Variants in PICALM observed in about 807,000 individuals in gnomAD.
The protein encoded by PICALM is phosphatidylinositol-binding clathrin assembly protein.
Under a neutral mutation model 80.5 loss-of-function variants are expected in PICALM, and 40 were observed. The ratio of observed to expected loss-of-function variants is 0.50; its 90% CI spans 0.39 to 0.65. The LOEUF is 0.65. Among genes scored for constraint, PICALM ranks in the 30% least tolerant of loss-of-function variants. The pLI is 0.00. For synonymous variants in PICALM, 288 were observed against 260.3 expected (o/e 1.11, Z -1.02); for missense variants, 676 against 778.9 (o/e 0.87, Z 1.57).
At chr11:85,974,936 T>G (rs975813107) in intron 18 of PICALM, 124 bp from the exon 19 acceptor site, 1 of 697,234 alleles carries the variant, frequency 1.4e-6, no homozygotes, top group Non-Finnish European at 2.6e-6. Flanking sequence ...GGTAACTTCC[T>G]CTGAATATAA....
rs2093587559 is a variant in PICALM, at chr11:85,958,533, CTG to C, written c.*511_*512del. ...ATACTTAAGGAATGTCTACTGCAAA[CTG>C]AATATAATTTTTTTTAAAAAAAGAA... On this transcript the variant is annotated 3_prime_UTR_variant, in exon 20 of 20. Transcript: ENST00000393346. 4.8e-6 allele frequency: 1 copy of C among 210,116 alleles called. No homozygotes were observed. Among genetic ancestry groups the C allele is most frequent in the Non-Finnish European group, 9.7e-6 (1 of 103,444 alleles). 13.0% of individuals were successfully genotyped at this position (210,116 alleles called of 1,614,324 possible).
Position 86,066,893 on chromosome 11 carries a change from C to CA in PICALM, c.130+1757dup, listed in dbSNP as rs538932247. Among the ~76,000 whole-genome samples, 33 of 152,214 alleles carry CA rather than the reference C, an allele frequency of 2.2e-4. No homozygotes were observed. The South Asian group carries it at 6.0e-3, about 28-fold the overall frequency. ...ACGTCTACTACACGTATCAGATAATCAAAAAATCACATATGGCTTTACGAT... is the reference window on the plus strand; with the variant it reads ...ACGTCTACTACACGTATCAGATAATCAAAAAAATCACATATGGCTTTACGAT... On this transcript the variant is annotated intron_variant, in intron 1 of 19. Transcript: ENST00000393346.
upstream of PICALM, chr11:86,069,095 T>G (rs568939146): frequency 2.9e-5 from 9 of 307,758 alleles, no homozygotes; most frequent in South Asian, 4.9e-4. Flanking sequence ...GGCGCCAGGC[T>G]CCTCCTCGGA....
upstream of PICALM, chr11:86,069,472 C>T (rs1342825812): frequency 1.3e-5 from 2 of 152,524 alleles, no homozygotes; most frequent in African/African-American, 4.8e-5. Flanking sequence ...AGTGTGTCCT[C>T]GTGTCTGTGG....
intron 13 of PICALM, among the ~76,000 whole-genome samples, chr11:85,989,544 A>T (rs1173767278): frequency 6.6e-6 from 1 of 152,174 alleles, no homozygotes; most frequent in Non-Finnish European, 1.5e-5. Context: ...CATCTTTTTC[A>T]GCAGAATTCA....
intron 1 of PICALM, among the ~76,000 whole-genome samples, chr11:86,043,814 G>C (rs1268807615): frequency 6.6e-6 from 1 of 152,164 alleles, no homozygotes; most frequent in Non-Finnish European, 1.5e-5. Context: ...TAGGAATCCA[G>C]AAGATTTTTC....
chr11:85,980,188 G>T (rs1040716376), intron 17 of PICALM, among the ~76,000 whole-genome samples: 1 of 152,174 alleles, frequency 6.6e-6, no homozygotes, highest in African/African-American at 2.4e-5. Context: ...CTCCAGCTGA[G>T]ATGGAACAAA....
chr11:86,038,765 A>G (rs1349598142), intron 1 of PICALM, among the ~76,000 whole-genome samples: 1 of 150,948 alleles, frequency 6.6e-6, no homozygotes, highest in African/African-American at 2.5e-5. Context: ...CGACAGAGCG[A>G]GACTCCATCT....
intron 6 of PICALM, among the ~76,000 whole-genome samples, chr11:86,011,902 G>C (rs1244067707): frequency 2.0e-5 from 3 of 149,316 alleles, no homozygotes; most frequent in African/African-American, 7.4e-5. Context: ...CCAGGCTGGA[G>C]TACAATGGCA....
chr11:86,039,600 C>T (rs1036129378), intron 1 of PICALM, among the ~76,000 whole-genome samples: 1 of 152,040 alleles, frequency 6.6e-6, no homozygotes, highest in African/African-American at 2.4e-5. Flanking sequence ...AAAGTTCTTC[C>T]TGAAGAAGGT....
At position 86,000,785 on chromosome 11, in the gene PICALM, A is replaced by G. The variant is rs762163734; in HGVS notation, c.1018-6T>C. On this transcript the variant is annotated splice_region_variant and splice_polypyrimidine_tract_variant and intron_variant, in intron 10 of 19. Transcript: ENST00000393346. The stretch of plus-strand genomic sequence containing the variant: ...AGTTCTTTTAGGCGCTGTTCCTGTT[A>G]AGAAAGGGAACTACCATAAGGATTC... 17 of 1,611,774 alleles carry G rather than the reference A, an allele frequency of 1.1e-5. No homozygotes were observed. In the East Asian group the frequency reaches 3.6e-4, roughly 34 times the overall value.
chr11:85,987,762 T>TAC (rs1413298550), intron 13 of PICALM, among the ~76,000 whole-genome samples: 2 of 152,352 alleles, frequency 1.3e-5, no homozygotes, highest in Admixed American at 6.5e-5. Flanking sequence ...CCAGCTACTG[T>TAC]ACCCAGCTCC....
At chr11:85,982,278 G>C (rs2094461353) in intron 14 of PICALM, 1 of 276,704 alleles carries the variant, frequency 3.6e-6, no homozygotes, top group Non-Finnish European at 6.9e-6. Flanking sequence ...TATTATAAAA[G>C]AGAAAAAAAA....
intron 1 of PICALM, among the ~76,000 whole-genome samples, chr11:86,035,130 T>C (rs532221651): frequency 2.5e-3 from 384 of 152,094 alleles, no homozygotes; most frequent in Non-Finnish European, 4.1e-3. Flanking sequence ...AAGTCTTTTT[T>C]TTTTTTTAAC....
chr11:85,971,908 A>C (rs968954335), intron 19 of PICALM, among the ~76,000 whole-genome samples: 5 of 151,934 alleles, frequency 3.3e-5, no homozygotes, highest in African/African-American at 4.8e-5. Context: ...TCAGCCTCCC[A>C]AGTAGCTGGG....
chr11:86,015,860 C>T (rs576011444), intron 4 of PICALM, among the ~76,000 whole-genome samples: 124 of 152,244 alleles, frequency 8.1e-4, no homozygotes, highest in African/African-American at 2.8e-3. Context: ...TTCTACCCTA[C>T]GATAAACCAT....
At chr11:85,975,615 G>A (rs1315785419) in intron 18 of PICALM, among the ~76,000 whole-genome samples, 1 of 6,936 alleles carries the variant, frequency 1.4e-4, no homozygotes, top group Non-Finnish European at 3.4e-4. Flanking sequence ...TTTTTTTTTT[G>A]AGATGGAGTC....
intron 2 of PICALM, among the ~76,000 whole-genome samples, chr11:86,027,398 C>T (rs1202741511): frequency 6.6e-6 from 1 of 151,970 alleles, no homozygotes; most frequent in Non-Finnish European, 1.5e-5. Context: ...TGCCTTTCAA[C>T]TTCGCTTCTT....
chr11:86,044,118 C>CT (rs1565532373), intron 1 of PICALM, among the ~76,000 whole-genome samples: 1 of 152,164 alleles, frequency 6.6e-6, no homozygotes, highest in African/African-American at 2.4e-5. Flanking sequence ...TATCACGGAG[C>CT]TTATATACTA....
Sources: allele counts gnomAD v4.1 joint callset (sites outside exome capture counted in the v4.1 genomes callset), GRCh38; gene constraint gnomAD v4.1.1; transcripts MANE v1.5; gene names NCBI Gene and HGNC (gene_info 2026-07-23, HGNC 2026-07-21).